C8A: variants seen among roughly 807,000 people sequenced by gnomAD.
C8A encodes complement component C8 alpha chain.
In C8A, 67 loss-of-function variants were observed where a neutral mutation model predicts 65.3. That is an observed-to-expected ratio of 1.03 (90% CI 0.84 to 1.26). The LOEUF is 1.26. Among genes scored for constraint, C8A ranks in the 50% most tolerant of loss-of-function variants. C8A has a pLI of 0.00. For synonymous variants in C8A, 290 were observed against 259.4 expected, an observed-to-expected ratio of 1.12 and a Z score of -1.13; for missense variants, 781 against 723.9, an observed-to-expected ratio of 1.08 and a Z score of -0.90.
At chr1:56,860,311 G>A (rs1644020564) in intron 1 of C8A, among the ~76,000 whole-genome samples, 1 of 152,100 alleles carries the variant, frequency 6.6e-6, no homozygotes, top group Non-Finnish European at 1.5e-5. Flanking sequence ...ACTGAAGGAT[G>A]GGAGCAACAT....
chr1:56,909,993 G>A (rs1440610501), intron 9 of C8A, among the ~76,000 whole-genome samples: 1 of 152,170 alleles, frequency 6.6e-6, no homozygotes, highest in Non-Finnish European at 1.5e-5. Flanking sequence ...CCACGGGCAG[G>A]CTTTATAGCA....
At chr1:56,856,870 G>A (rs965616634) in intron 1 of C8A, among the ~76,000 whole-genome samples, 1 of 151,876 alleles carries the variant, frequency 6.6e-6, no homozygotes, top group Non-Finnish European at 1.5e-5. Flanking sequence ...TGTTATTTGA[G>A]AAAAACATTT....
At chr1:56,866,280 A>G (rs1016829091) in intron 1 of C8A, among the ~76,000 whole-genome samples, 1 of 152,256 alleles carries the variant, frequency 6.6e-6, no homozygotes, top group African/African-American at 2.4e-5. Flanking sequence ...ATGTACATTT[A>G]TGGTAACATG....
intron 10 of C8A, among the ~76,000 whole-genome samples, chr1:56,914,653 T>A (rs965537135): frequency 6.6e-6 from 1 of 151,888 alleles, no homozygotes; most frequent in African/African-American, 2.4e-5. Flanking sequence ...ACCAAACCGA[T>A]CTTTAGTTTT....
At chr1:56,873,008 T>A (rs1335251533) in intron 2 of C8A, among the ~76,000 whole-genome samples, 1 of 152,198 alleles carries the variant, frequency 6.6e-6, no homozygotes, top group Non-Finnish European at 1.5e-5. Context: ...TATACTGATG[T>A]TCTCCAACTG....
intron 1 of C8A, among the ~76,000 whole-genome samples, chr1:56,866,626 T>G (rs1259245922): frequency 6.6e-6 from 1 of 152,230 alleles, no homozygotes; most frequent in East Asian, 1.9e-4. Flanking sequence ...ATCACAGCAG[T>G]GGCTGCCTGG....
intron 1 of C8A, among the ~76,000 whole-genome samples, chr1:56,857,730 T>G (rs2101181221): frequency 6.6e-6 from 1 of 152,142 alleles, no homozygotes; most frequent in South Asian, 2.1e-4. Flanking sequence ...TTGGGCCATC[T>G]TTTAGATTTA....
chr1:56,892,055 C>T (rs1644350597), intron 7 of C8A, among the ~76,000 whole-genome samples: 1 of 152,082 alleles, frequency 6.6e-6, no homozygotes, highest in South Asian at 2.1e-4. Context: ...TCTACTCCTG[C>T]AACTCTTACC....
At chr1:56,902,482 C>A (rs946192376) in intron 7 of C8A, among the ~76,000 whole-genome samples, 4 of 152,092 alleles carry the variant, frequency 2.6e-5, no homozygotes, top group African/African-American at 7.2e-5. Context: ...TCTGATCATT[C>A]CCTATTTTTA....
intron 7 of C8A, among the ~76,000 whole-genome samples, chr1:56,904,462 C>T (rs1367973674): frequency 6.6e-6 from 1 of 152,216 alleles, no homozygotes; most frequent in African/African-American, 2.4e-5. Flanking sequence ...GTTATATTCT[C>T]AAGGTGTCTA....
In C8A at chr1:56,859,733, G is replaced by A. The variant is rs1644012080; in HGVS notation, c.77+4755G>A. Among the ~76,000 whole-genome samples the A allele has an allele frequency of 5.3e-5, 8 of 150,576 alleles. No homozygotes were observed. In the Admixed American group the frequency reaches 5.3e-4, roughly 10 times the overall value. On this transcript the variant is annotated intron_variant, in intron 1 of 10. Transcript: ENST00000361249. ...CAACACTCATAGGATTTACAGTGTA[G>A]CGATGGAGTTAGTCAATAAATATAT...
chr1:56,861,762 A>G (rs1255828030), intron 1 of C8A, among the ~76,000 whole-genome samples: 2 of 152,236 alleles, frequency 1.3e-5, no homozygotes, highest in Non-Finnish European at 2.9e-5. Context: ...TGGAATCTCC[A>G]TGTAACTGGA....
intron 7 of C8A, among the ~76,000 whole-genome samples, chr1:56,898,200 C>T (rs1557711369): frequency 6.6e-6 from 1 of 152,074 alleles, no homozygotes; most frequent in Non-Finnish European, 1.5e-5. Flanking sequence ...GAGGCCAGGG[C>T]ATAAATGAGA....
At chr1:56,867,118 G>A (rs962348462) in intron 1 of C8A, among the ~76,000 whole-genome samples, 8 of 152,156 alleles carry the variant, frequency 5.3e-5, no homozygotes, top group Admixed American at 3.3e-4. Flanking sequence ...TCATCTTGTA[G>A]TAAACCTTTC....
At chr1:56,916,438 C>T (rs1245275066) in intron 10 of C8A, among the ~76,000 whole-genome samples, 1 of 152,170 alleles carries the variant, frequency 6.6e-6, no homozygotes, top group Non-Finnish European at 1.5e-5. Context: ...TCCCAGTAAA[C>T]CTTTGCCTAT....
At chr1:56,899,604 C>T (rs889491813) in intron 7 of C8A, among the ~76,000 whole-genome samples, 1 of 152,180 alleles carries the variant, frequency 6.6e-6, no homozygotes, top group African/African-American at 2.4e-5. Context: ...CGCTCCTGGG[C>T]TAACCACTTA....
At chr1:56,907,167 T>G (rs1173202032) in intron 8 of C8A, among the ~76,000 whole-genome samples, 1 of 152,136 alleles carries the variant, frequency 6.6e-6, no homozygotes, top group African/African-American at 2.4e-5. Context: ...GAGTCCAAGC[T>G]CAAAGAATAA....
At chr1:56,902,042 G>T (rs1644431037) in intron 7 of C8A, among the ~76,000 whole-genome samples, 1 of 152,088 alleles carries the variant, frequency 6.6e-6, no homozygotes, top group South Asian at 2.1e-4. Flanking sequence ...TGTTCTTAAA[G>T]TCTCAGGATC....
chr1:56,862,008 T>C (rs889083777), intron 1 of C8A, among the ~76,000 whole-genome samples: 2 of 152,232 alleles, frequency 1.3e-5, no homozygotes, highest in African/African-American at 4.8e-5. Flanking sequence ...CTTTGCCCAA[T>C]ATGCTGCCCT....
Sources: gnomAD v4.1 joint callset for allele counts (sites outside exome capture counted in the v4.1 genomes callset) on GRCh38, gnomAD v4.1.1 for gene constraint, MANE v1.5 for transcripts, NCBI Gene and HGNC (gene_info 2026-07-23, HGNC 2026-07-21) for gene names.